Variants in FAM184B observed in about 807,000 individuals in gnomAD.
The protein encoded by FAM184B is protein FAM184B.
A neutral mutation model predicts 135.9 loss-of-function variants in FAM184B; 111 were observed. The observed-to-expected ratio is 0.82, with a 90% CI of 0.70 to 0.96. The LOEUF is 0.96. FAM184B is among the 40% of genes least tolerant of loss of function. FAM184B has a pLI of 0.00. For synonymous variants in FAM184B, 552 were observed against 524.8 expected (o/e 1.05, Z -0.71); for missense variants, 1,375 against 1,323.9 (o/e 1.04, Z -0.60).
At chr4:17,708,703 A>AG (rs1560182115) in intron 2 of FAM184B, among the ~76,000 whole-genome samples, 189 bp downstream of exon 2, 24 of 56,360 alleles carry the variant, frequency 4.3e-4, no homozygotes, top group Non-Finnish European at 5.4e-4. Flanking sequence ...ATATATATAT[A>AG]TATATAGTGT....
chr4:17,765,784 A>G (rs1484050225), intron 1 of FAM184B, among the ~76,000 whole-genome samples: 1 of 152,228 alleles, frequency 6.6e-6, no homozygotes, highest in Non-Finnish European at 1.5e-5. Context: ...TGAGTGTTAC[A>G]GTACTTAAAG....
At chr4:17,675,518 A>G (rs1716292391) in intron 7 of FAM184B, among the ~76,000 whole-genome samples, 1 of 152,200 alleles carries the variant, frequency 6.6e-6, no homozygotes, top group Non-Finnish European at 1.5e-5. Flanking sequence ...ACTTAAAGTC[A>G]CTAGCTTTAT....
Position 17,781,072 on chromosome 4 carries a change from C to A in FAM184B, c.141+87G>T. ...ACAAAGTTTCTGTCTGGATTTGGCC[C>A]GGGCCTCCCGGGAGGCGCATCCGCA... On this transcript the variant is annotated intron_variant, in intron 1 of 17. Coordinates refer to ENST00000265018, the MANE Select transcript of FAM184B (RefSeq NM_015688.2). This position sits in a 1 kb window ranked among gnomAD's most constrained non-coding sequence, Gnocchi z 6.5. The A allele has an allele frequency of 7.1e-7, 1 of 1,408,724 alleles. No individual in the cohort carries two copies. The highest frequency in any genetic ancestry group is 1.5e-5 in the South Asian group (1 of 65,632). 87.3% of individuals were successfully genotyped at this position (1,408,724 alleles called of 1,614,324 possible).
chr4:17,766,775 C>T (rs1172620203), intron 1 of FAM184B, among the ~76,000 whole-genome samples: 1 of 152,240 alleles, frequency 6.6e-6, no homozygotes, highest in East Asian at 1.9e-4. Flanking sequence ...GGGCAGCAGG[C>T]GGAGGTGCCT....
intron 6 of FAM184B, among the ~76,000 whole-genome samples, chr4:17,691,515 G>T (rs577820368): frequency 1.3e-5 from 2 of 151,808 alleles, no homozygotes; most frequent in East Asian, 3.9e-4. Context: ...GTGAAACCCC[G>T]TCTTTACTAA....
In FAM184B at chr4:17,630,622, G is replaced by A. The variant is rs993302698; in HGVS notation, c.*1910C>T. 1 of 152,264 alleles carries A rather than the reference G, an allele frequency of 6.6e-6. No homozygotes were observed. Among genetic ancestry groups the A allele is most frequent in the South Asian group, 2.1e-4 (1 of 4,828 alleles). The allele number at this position is 152,264 out of a possible 1,614,324, so 9.4% of individuals were successfully genotyped here. On this transcript the variant is annotated 3_prime_UTR_variant, in exon 18 of 18. Coordinates refer to ENST00000265018, the MANE Select transcript of FAM184B (RefSeq NM_015688.2). ...TGAACGAACTAAGACACTCTAAGCG[G>A]GAAACTCACAAAAAATATTTGGTAG...
intron 1 of FAM184B, among the ~76,000 whole-genome samples, chr4:17,754,776 T>C (rs1385644701): frequency 6.6e-6 from 1 of 152,010 alleles, no homozygotes; most frequent in Non-Finnish European, 1.5e-5. Flanking sequence ...TTCCCACATA[T>C]ATTATGAAAT....
intron 1 of FAM184B, among the ~76,000 whole-genome samples, chr4:17,726,356 T>C (rs1332173502): frequency 6.6e-6 from 1 of 152,022 alleles, no homozygotes; most frequent in East Asian, 1.9e-4. Flanking sequence ...TCTTAAATGA[T>C]GTCTTTTTGT....
chr4:17,762,299 C>A (rs1243285661), intron 1 of FAM184B, among the ~76,000 whole-genome samples: 1 of 152,174 alleles, frequency 6.6e-6, no homozygotes, highest in Non-Finnish European at 1.5e-5. Flanking sequence ...AGAAAAGATG[C>A]TCACAAGAAT....
chr4:17,705,791 G>C lies in FAM184B; in HGVS notation c.1131C>G (p.Leu377=). 9 of 1,551,912 alleles carry C rather than the reference G, an allele frequency of 5.8e-6. No individual in the cohort carries two copies. Among genetic ancestry groups the C allele is most frequent in the Non-Finnish European group, 7.8e-6 (9 of 1,147,036 alleles). Residue 377 remains leucine (L), a synonymous_variant, in exon 4 of 18, where the codon CTC becomes CTG. Coordinates refer to ENST00000265018, the MANE Select transcript of FAM184B (RefSeq NM_015688.2). The part of the protein sequence containing the change: ...NLHPQQDQSC[L]KECPCMKGGT... The stretch of plus-strand genomic sequence containing the variant: ...CTCCTTTCATGCAAGGGCACTCCTT[G>C]AGACAGCTTTGATCCTGCTGAGGAT...
At chr4:17,638,095 TC>T (rs1421532328) in intron 14 of FAM184B, among the ~76,000 whole-genome samples, 9 of 146,558 alleles carry the variant, frequency 6.1e-5, no homozygotes, top group Non-Finnish European at 1.0e-4. Flanking sequence ...AATCCTGTCT[TC>T]CAGCACTTTC....
In FAM184B at chr4:17,643,455, C is replaced by G. The variant is rs766324459; in HGVS notation, c.2347-1227G>C. On this transcript the variant is annotated intron_variant, in intron 12 of 17. Coordinates refer to ENST00000265018, the MANE Select transcript of FAM184B (RefSeq NM_015688.2). ...GGCTGGTGCATGGGTGGCCACGTATCGGCTCATGTACTCAGTGCTCCTTGG... is the reference window on the plus strand; with the variant it reads ...GGCTGGTGCATGGGTGGCCACGTATGGGCTCATGTACTCAGTGCTCCTTGG... Among the ~76,000 whole-genome samples, 13 of 152,048 alleles carry G rather than the reference C, an allele frequency of 8.5e-5. No individual in the cohort carries two copies. In the East Asian group the frequency reaches 2.5e-3, roughly 29 times the overall value.
Position 17,707,686 on chromosome 4 carries a change from T to G in FAM184B, c.993A>C (p.Arg331Ser). Residue 331 changes from arginine to serine, a missense_variant, in exon 3 of 18, where the codon AGA (arginine) becomes AGC (serine). Coordinates refer to ENST00000265018, the MANE Select transcript of FAM184B (RefSeq NM_015688.2). ...TCCCACGACACTCCTGCAGCATCATTCTGTCTTTGGCAACAGCCAGCTTCT... is the reference window on the plus strand; with the variant it reads ...TCCCACGACACTCCTGCAGCATCATGCTGTCTTTGGCAACAGCCAGCTTCT... ...LGEKLAVAKD[R>S]MMLQECRGTQ... 4 of 1,551,814 alleles carry G rather than the reference T, an allele frequency of 2.6e-6. No homozygotes were observed. Among genetic ancestry groups the G allele is most frequent in the Non-Finnish European group, 3.5e-6 (4 of 1,147,032 alleles).
At chr4:17,711,261 A>C (rs1227489381) in intron 1 of FAM184B, among the ~76,000 whole-genome samples, 2 of 152,016 alleles carry the variant, frequency 1.3e-5, no homozygotes, top group African/African-American at 4.8e-5. Flanking sequence ...TGGGCGGATC[A>C]CATGGTCAGG....
rs555428354 is a variant in FAM184B at position 17,750,616 on chromosome 4, T to C, written c.141+30543A>G. 2.0e-5 allele frequency among the ~76,000 whole-genome samples: 3 copies of C among 152,300 alleles called. No individual in the cohort carries two copies. In the South Asian group the frequency reaches 6.2e-4, roughly 32 times the overall value. On this transcript the variant is annotated intron_variant, in intron 1 of 17. Coordinates refer to ENST00000265018, the MANE Select transcript of FAM184B (RefSeq NM_015688.2). ...CAGAAGCTCCCCTAGGTTGTGACAA[T>C]CAAAAATGTCTCCAGACATTGCCAA...
At chr4:17,764,759 G>C (rs1490045190) in intron 1 of FAM184B, among the ~76,000 whole-genome samples, 1 of 147,162 alleles carries the variant, frequency 6.8e-6, no homozygotes, top group East Asian at 1.9e-4. Context: ...TCACCTGGGA[G>C]CTTGCATTAA....
rs190376730 is a variant in FAM184B at position 17,688,364 on chromosome 4, G to A, written c.1596+60C>T. On this transcript the variant is annotated intron_variant, in intron 7 of 17. Coordinates refer to ENST00000265018, the MANE Select transcript of FAM184B (RefSeq NM_015688.2). ...ATCAGCATGTGTTACTGGGGACACT[G>A]AAAGGCTGAGACCGAGAAAAGAAAT... 2.0e-4 allele frequency: 264 copies of A among 1,330,066 alleles called. 1 individual carries two copies. In the African/African-American group the frequency reaches 3.4e-3, roughly 17 times the overall value. The allele number at this position is 1,330,066 out of a possible 1,614,324, so 82.4% of individuals were successfully genotyped here.
chr4:17,653,930 G>GAGA (rs1402544369), intron 10 of FAM184B, among the ~76,000 whole-genome samples: 1 of 135,778 alleles, frequency 7.4e-6, no homozygotes, highest in Non-Finnish European at 1.6e-5. Flanking sequence ...GGGAGGGGGA[G>GAGA]GGGGATTTGA....
chr4:17,749,025 G>A (rs1718238594), intron 1 of FAM184B, among the ~76,000 whole-genome samples: 1 of 149,630 alleles, frequency 6.7e-6, no homozygotes, highest in African/African-American at 2.5e-5. Flanking sequence ...TAAGAGACAG[G>A]GGCTCGCTAT....
Sources: gnomAD v4.1 joint callset for allele counts (sites outside exome capture counted in the v4.1 genomes callset) on GRCh38, gnomAD v4.1.1 for gene constraint, Gnocchi (gnomAD v3.1) non-coding constraint, MANE v1.5 for transcripts, NCBI Gene and HGNC (gene_info 2026-07-23, HGNC 2026-07-21) for gene names.